The following SRGAP1 variants were observed in gnomAD, a reference collection of about 807,000 sequenced individuals.
SRGAP1 encodes SLIT-ROBO Rho GTPase-activating protein 1.
In SRGAP1, 43 loss-of-function variants were observed where a neutral mutation model predicts 121.9. That is an observed-to-expected ratio of 0.35 (90% CI 0.28 to 0.46). SRGAP1 has a LOEUF of 0.46. Ranked by LOEUF, SRGAP1 falls within the 20% of genes least tolerant of loss-of-function variation. The pLI, the probability that SRGAP1 is intolerant of heterozygous loss-of-function variation, is 1.00. For missense variants in SRGAP1, 1,102 were observed against 1,350.9 expected (o/e 0.82, Z 2.89); for synonymous variants, 447 against 485.4 (o/e 0.92, Z 1.04).
chr12:63,930,841 A>C (rs940929057), intron 1 of SRGAP1, among the ~76,000 whole-genome samples: 1 of 152,198 alleles, frequency 6.6e-6, no homozygotes, highest in African/African-American at 2.4e-5. Flanking sequence ...TTGCAAAGCT[A>C]TTTTTACATT....
chr12:64,082,674 T>A (rs1417868796), intron 10 of SRGAP1, among the ~76,000 whole-genome samples: 1 of 152,162 alleles, frequency 6.6e-6, no homozygotes, highest in Non-Finnish European at 1.5e-5. Context: ...GGTCTCGAAC[T>A]CCTGACCTCA....
At chr12:63,955,560 A>G (rs1203142085) in intron 1 of SRGAP1, among the ~76,000 whole-genome samples, 2 of 152,164 alleles carry the variant, frequency 1.3e-5, no homozygotes, top group African/African-American at 4.8e-5. Context: ...TGAAAATGTA[A>G]CTTTAAGAGA....
intron 1 of SRGAP1, among the ~76,000 whole-genome samples, chr12:63,921,855 A>C (rs1368099594): frequency 6.6e-6 from 1 of 152,182 alleles, no homozygotes. Context: ...ACTTTTGGTT[A>C]TGATAGATAA....
chr12:63,892,828 G>C (rs571256413), intron 1 of SRGAP1, among the ~76,000 whole-genome samples: 2 of 152,200 alleles, frequency 1.3e-5, no homozygotes, highest in South Asian at 4.2e-4. Context: ...GGCTGCCTAT[G>C]GTTGAAAATA....
At chr12:64,112,055 GAAGA>G (rs765492946) in intron 17 of SRGAP1, 69 bp downstream of exon 17, 38 of 1,290,842 alleles carry the variant, frequency 2.9e-5, no homozygotes, top group Middle Eastern at 1.9e-4. Context: ...AATTTGATTA[GAAGA>G]AAGAGTTTCC....
At chr12:63,893,340 CT>C (rs1415134777) in intron 1 of SRGAP1, among the ~76,000 whole-genome samples, 1 of 152,144 alleles carries the variant, frequency 6.6e-6, no homozygotes, top group Non-Finnish European at 1.5e-5. Context: ...AAATGTAAGG[CT>C]TAGTAGTCAT....
intron 1 of SRGAP1, chr12:63,983,077 T>C (rs530169717): frequency 4.6e-5 from 7 of 152,354 alleles, no homozygotes; most frequent in East Asian, 1.9e-4. Context: ...TGCACTGTTA[T>C]GAATGGATTA....
chr12:63,950,661 C>A (rs1270017377), intron 1 of SRGAP1, among the ~76,000 whole-genome samples: 1 of 151,998 alleles, frequency 6.6e-6, no homozygotes, highest in Non-Finnish European at 1.5e-5. Flanking sequence ...ATCCCAGAGC[C>A]CGCCATCTTA....
chr12:63,889,013 C>T (rs1280435700), intron 1 of SRGAP1, among the ~76,000 whole-genome samples: 1 of 152,164 alleles, frequency 6.6e-6, no homozygotes, highest in Non-Finnish European at 1.5e-5. Context: ...TTAACCCTAC[C>T]CATAGCTGCT....
chr12:64,091,947 G>C, intron 12 of SRGAP1: 1 of 1,533,186 alleles, frequency 6.5e-7, no homozygotes, highest in East Asian at 2.4e-5. Flanking sequence ...AGAGGGACGT[G>C]AGGGTGCTCT....
chr12:63,888,268 G>A (rs1256029940), intron 1 of SRGAP1: 1 of 152,134 alleles, frequency 6.6e-6, no homozygotes, highest in Non-Finnish European at 1.5e-5. Context: ...CTGACCTTCT[G>A]TAGAGACTCT....
In SRGAP1 at chr12:64,005,982, C is replaced by T. The variant is rs370233311; in HGVS notation, c.427-10968C>T. On this transcript the variant is annotated intron_variant, in intron 3 of 21. Coordinates refer to ENST00000355086, the MANE Select transcript of SRGAP1 (RefSeq NM_020762.4). Reference sequence around the variant, plus strand: ...AGACACAAATCTTCAACTGGTACCCCCATAGGAACTTAGACTCTAGTAAGG... The same window carrying T: ...AGACACAAATCTTCAACTGGTACCCTCATAGGAACTTAGACTCTAGTAAGG... 5.9e-5 allele frequency among the ~76,000 whole-genome samples: 9 copies of T among 152,240 alleles called. No homozygotes were observed. The East Asian group carries it at 1.4e-3, about 23-fold the overall frequency.
chr12:64,113,935 C>T (rs2036474234), intron 17 of SRGAP1, among the ~76,000 whole-genome samples: 1 of 152,166 alleles, frequency 6.6e-6, no homozygotes, highest in Non-Finnish European at 1.5e-5. Context: ...TTATTCTGGA[C>T]CCTGCTCACA....
chr12:63,973,362 G>A (rs1320330909), intron 1 of SRGAP1, among the ~76,000 whole-genome samples: 2 of 152,078 alleles, frequency 1.3e-5, no homozygotes, highest in African/African-American at 4.8e-5. Flanking sequence ...AGTTTGCATC[G>A]TAGTCTCTGG....
At chr12:63,958,506 C>A (rs1366524192) in intron 1 of SRGAP1, among the ~76,000 whole-genome samples, 1 of 152,072 alleles carries the variant, frequency 6.6e-6, no homozygotes, top group Non-Finnish European at 1.5e-5. Flanking sequence ...CCTTGTTGAA[C>A]GATGACTTGA....
chr12:64,059,558 ATCT>A (rs2035407096), intron 6 of SRGAP1, among the ~76,000 whole-genome samples: 1 of 152,152 alleles, frequency 6.6e-6, no homozygotes, highest in South Asian at 2.1e-4. Context: ...AGTAGAATCT[ATCT>A]TCTTTCAGAA....
At chr12:63,849,192 A>G (rs1263321566) in intron 1 of SRGAP1, among the ~76,000 whole-genome samples, 1 of 152,240 alleles carries the variant, frequency 6.6e-6, no homozygotes, top group Non-Finnish European at 1.5e-5. Flanking sequence ...AACCCAAACC[A>G]GTTGACTATG....
chr12:64,095,354 G>A (rs1011119836), intron 14 of SRGAP1, 150 bp downstream of exon 14: 12 of 659,626 alleles, frequency 1.8e-5, no homozygotes, highest in Admixed American at 1.2e-4. Context: ...ATTAAGAATC[G>A]CTGAGAAATG....
At chr12:64,104,280 G>GA (rs201371878) in intron 15 of SRGAP1, among the ~76,000 whole-genome samples, 7 of 152,174 alleles carry the variant, frequency 4.6e-5, no homozygotes, top group Admixed American at 1.3e-4. Context: ...GCATTGCTGG[G>GA]AAAAAAACAT....
Sources: allele counts gnomAD v4.1 joint callset (sites outside exome capture counted in the v4.1 genomes callset), GRCh38; gene constraint gnomAD v4.1.1; transcripts MANE v1.5; gene names NCBI Gene and HGNC (gene_info 2026-07-23, HGNC 2026-07-21).